Variants in OR14A2 observed in about 807,000 individuals in gnomAD.
OR14A2 encodes the protein olfactory receptor family 14 subfamily A member 2.
For missense variants in OR14A2, 237 were observed against 152.9 expected (o/e 1.55, Z -2.90); for synonymous variants, 114 against 58.6 (o/e 1.95, Z -4.32).
upstream of OR14A2, among the ~76,000 whole-genome samples, chr1:247,725,899 T>A (rs1241079480): frequency 9.2e-6 from 1 of 108,898 alleles, no homozygotes; most frequent in Non-Finnish European, 1.8e-5. Context: ...CCATGGTGTA[T>A]ATGTGCCACA....
upstream of OR14A2, among the ~76,000 whole-genome samples, chr1:247,725,016 T>A (rs1660302880): frequency 6.6e-6 from 1 of 151,978 alleles, no homozygotes; most frequent in Admixed American, 6.6e-5. Flanking sequence ...GGTAGAGATT[T>A]AAAAAATAAA....
chr1:247,729,963 T>C, the OR14A2 span, among the ~76,000 whole-genome samples: 1 of 152,098 alleles, frequency 6.6e-6, no homozygotes, highest in African/African-American at 2.4e-5. Flanking sequence ...TTAGATACAG[T>C]TTATGGAAAC....
the OR14A2 span, among the ~76,000 whole-genome samples, chr1:247,743,624 C>G: frequency 6.6e-6 from 1 of 152,128 alleles, no homozygotes; most frequent in Non-Finnish European, 1.5e-5. Flanking sequence ...AACACATTTT[C>G]AAATGTTTGT....
upstream of OR14A2, among the ~76,000 whole-genome samples, chr1:247,728,471 TG>T (rs1660440174): frequency 1.3e-5 from 2 of 152,094 alleles, no homozygotes; most frequent in Non-Finnish European, 2.9e-5. Flanking sequence ...AATATCATAC[TG>T]AATGGGCAAT....
At chr1:247,740,284 C>T in the OR14A2 span, among the ~76,000 whole-genome samples, 1 of 152,242 alleles carries the variant, frequency 6.6e-6, no homozygotes, top group East Asian at 1.9e-4. Context: ...TTTATCGATT[C>T]AACGTTCTTT....
chr1:247,736,753 G>A, the OR14A2 span, among the ~76,000 whole-genome samples: 2 of 151,984 alleles, frequency 1.3e-5, no homozygotes, highest in East Asian at 3.9e-4. Flanking sequence ...GGGGTATTTT[G>A]ACACTGCTCC....
chr1:247,739,308 C>T, the OR14A2 span: 1 of 780,672 alleles, frequency 1.3e-6, no homozygotes, highest in African/African-American at 1.7e-5. Flanking sequence ...GAGACAGAGA[C>T]AATCCAAAGC....
exon 1 of OR14A2, chr1:247,723,117 C>G: frequency 1.4e-6 from 1 of 715,912 alleles, no homozygotes; most frequent in Non-Finnish European, 2.6e-6. Flanking sequence ...AGTAAGCCTC[C>G]TGACCATATG....
the OR14A2 span, among the ~76,000 whole-genome samples, chr1:247,736,237 G>C: frequency 6.9e-6 from 1 of 145,388 alleles, no homozygotes. Flanking sequence ...CTTGACAAAA[G>C]TGATAAAATT....
At chr1:247,734,661 A>C in the OR14A2 span, among the ~76,000 whole-genome samples, 1 of 152,206 alleles carries the variant, frequency 6.6e-6, no homozygotes, top group African/African-American at 2.4e-5. Flanking sequence ...CAAAATCCCT[A>C]GGAATACCTT....
the OR14A2 span, chr1:247,746,325 AG>A: frequency 2.0e-5 from 3 of 152,174 alleles, no homozygotes. Flanking sequence ...AGTCATAGAA[AG>A]GGGGAGACTT....
the OR14A2 span, among the ~76,000 whole-genome samples, chr1:247,742,758 G>A: frequency 2.7e-4 from 41 of 152,074 alleles, no homozygotes; most frequent in African/African-American, 9.9e-4. Flanking sequence ...AATGATTTGA[G>A]ACAACAAAAC....
upstream of OR14A2, among the ~76,000 whole-genome samples, chr1:247,728,896 T>C (rs1021379703): frequency 1.3e-5 from 2 of 152,082 alleles, no homozygotes; most frequent in African/African-American, 4.8e-5. Flanking sequence ...TACCTGAAAT[T>C]AAAACAAAAC....
the OR14A2 span, among the ~76,000 whole-genome samples, chr1:247,742,762 A>G: frequency 6.6e-6 from 1 of 152,242 alleles, no homozygotes; most frequent in Non-Finnish European, 1.5e-5. Flanking sequence ...ATTTGAGACA[A>G]CAAAACAACA....
exon 1 of OR14A2, chr1:247,723,873 C>T: frequency 1.4e-6 from 1 of 717,566 alleles, no homozygotes; most frequent in Non-Finnish European, 2.6e-6. Flanking sequence ...GGAAGAAGTA[C>T]ATGGGTGTTT....
chr1:247,738,819 C>A, the OR14A2 span: 1 of 780,792 alleles, frequency 1.3e-6, no homozygotes, highest in Non-Finnish European at 2.4e-6. Context: ...CTTCTTAGAC[C>A]TGTGTCTCAT....
At chr1:247,734,702 G>A in the OR14A2 span, among the ~76,000 whole-genome samples, 1 of 152,100 alleles carries the variant, frequency 6.6e-6, no homozygotes, top group African/African-American at 2.4e-5. Context: ...TTAAAATGTA[G>A]ATAATGAAGT....
chr1:247,723,445 A>T (rs1191262048), exon 1 of OR14A2: 1 of 717,656 alleles, frequency 1.4e-6, no homozygotes, highest in Admixed American at 2.0e-5. Context: ...ACATGCACCA[A>T]CTCCAATACC....
exon 1 of OR14A2, chr1:247,723,139 A>C: frequency 1.4e-6 from 1 of 717,372 alleles, no homozygotes; most frequent in South Asian, 1.5e-5. Flanking sequence ...TTTCTGCAGC[A>C]ACCTTATCAG....
Sources: allele counts gnomAD v4.1 joint callset (sites outside exome capture counted in the v4.1 genomes callset), GRCh38; gene constraint gnomAD v4.1.1; transcripts MANE v1.5; gene names NCBI Gene and HGNC (gene_info 2026-07-23, HGNC 2026-07-21).